The following RAB40B variants were observed in gnomAD, a reference collection of about 807,000 sequenced individuals.
RAB40B encodes the protein RAB40B, member RAS oncogene family.
A neutral mutation model predicts 24.0 loss-of-function variants in RAB40B; 21 were observed. The ratio of observed to expected loss-of-function variants is 0.88; its 90% CI spans 0.62 to 1.26. The LOEUF (loss-of-function observed/expected upper bound fraction) is 1.26. RAB40B is among the 50% of genes most tolerant of loss of function. RAB40B has a pLI of 0.00. For missense variants in RAB40B, 348 were observed against 390.5 expected (o/e 0.89, Z 0.92); for synonymous variants, 167 against 169.8 (o/e 0.98, Z 0.13).
In RAB40B at chr17:82,655,541, G is replaced by C. The variant is rs744991; in HGVS notation, c.*2322C>G. ...TCCATTTCCTTACCCTTCACCATCA[G>C]CGAGCTGGGAACGGAGGGAGAAGAG... On this transcript the variant is annotated 3_prime_UTR_variant, in exon 6 of 6. Transcript: ENST00000571995. The C allele has an allele frequency of 0.69, 104,648 of 152,188 alleles. 36,088 individuals carry two copies. The highest frequency in any genetic ancestry group is 0.73 in the Admixed American group (11,160 of 15,286). 9.4% of individuals were successfully genotyped at this position (152,188 alleles called of 1,614,324 possible).
chr17:82,658,126 A>G lies in RAB40B; in HGVS notation c.574T>C (p.Leu192=). The part of the protein sequence containing the change: ...RLWRPSKVLS[L]QDLCCRAVVS... ...ACCGCCCGGCAGCAGAGGTCTTGCA[A>G]GCTCAGCACTTGGGAGAGAAAAGAT... The change falls in exon 6 of 6, where the codon TTG becomes CTG. Residue 192 remains leucine, a synonymous_variant. Transcript: ENST00000571995. 3 of 1,613,828 alleles carry G rather than the reference A, an allele frequency of 1.9e-6. No individual in the cohort carries two copies. The highest frequency in any genetic ancestry group is 1.1e-5 in the South Asian group (1 of 91,072).
rs1420660754 is a variant in RAB40B, at chr17:82,688,393, TC to T, written c.142+10061del. ...ACTTTGGGAGTCCGAGGCGGGTAGA[TC>T]ACGAGGTCAGGAGTTCGAGACCAGC... is the stretch of plus-strand genomic sequence containing the variant. On this transcript the variant is annotated intron_variant, in intron 1 of 5. Coordinates refer to ENST00000571995, the MANE Select transcript of RAB40B (RefSeq NM_006822.3). Among the ~76,000 whole-genome samples, 4 of 151,408 alleles carry T rather than the reference TC, an allele frequency of 2.6e-5. No individual in the cohort carries two copies. In the East Asian group the frequency reaches 8.0e-4, roughly 30 times the overall value.
intron 1 of RAB40B, among the ~76,000 whole-genome samples, chr17:82,678,160 C>G (rs73359105): frequency 0.13 from 19,303 of 151,996 alleles, 1,300 homozygotes; most frequent in East Asian, 0.16. Context: ...TGTGTGTTTG[C>G]TCTTTCGTTA....
intron 1 of RAB40B, among the ~76,000 whole-genome samples, chr17:82,665,327 A>T (rs1339614795): frequency 6.6e-6 from 1 of 151,016 alleles, no homozygotes; most frequent in Non-Finnish European, 1.5e-5. Context: ...ATCACAGCTC[A>T]CTGCAGCCTC....
At chr17:82,691,676 C>T (rs559533587) in intron 1 of RAB40B, among the ~76,000 whole-genome samples, 3 of 152,106 alleles carry the variant, frequency 2.0e-5, no homozygotes, top group African/African-American at 7.2e-5. Flanking sequence ...AGCGAGACTC[C>T]ATCTCAAAAA....
chr17:82,665,902 A>C (rs1015635000), intron 1 of RAB40B, among the ~76,000 whole-genome samples: 1 of 151,850 alleles, frequency 6.6e-6, no homozygotes, highest in African/African-American at 2.4e-5. Flanking sequence ...AAAAAAAAAA[A>C]AAAAAAAAAA....
chr17:82,673,767 G>A (rs976442481), intron 1 of RAB40B, among the ~76,000 whole-genome samples: 7 of 152,074 alleles, frequency 4.6e-5, no homozygotes, highest in African/African-American at 1.7e-4. Context: ...TCGTGGCCAG[G>A]CTGACCACTC....
Position 82,697,821 on chromosome 17 carries a change from G to C in RAB40B, c.142+634C>G, listed in dbSNP as rs1028516055. Among the ~76,000 whole-genome samples, 1 of 152,174 alleles carries C rather than the reference G, an allele frequency of 6.6e-6. No homozygotes were observed. The highest frequency in any genetic ancestry group is 2.4e-5 in the African/African-American group (1 of 41,434). On this transcript the variant is annotated intron_variant, in intron 1 of 5. Transcript: ENST00000571995. The surrounding 1 kb of genome is among the most constrained non-coding windows in gnomAD (Gnocchi z 4.9). ...CCGGCCTCCCCTCGCCCTGGAACCC[G>C]CTCTCCGGCCGCTGTCGTGGGGGGT... is the stretch of plus-strand genomic sequence containing the variant.
intron 2 of RAB40B, chr17:82,662,248 C>A: frequency 4.1e-6 from 4 of 985,470 alleles, no homozygotes; most frequent in Non-Finnish European, 4.8e-6. Flanking sequence ...TCCTGAGAAG[C>A]AAATTGATCT....
At chr17:82,670,369 G>A (rs2046318565) in intron 1 of RAB40B, among the ~76,000 whole-genome samples, 1 of 151,818 alleles carries the variant, frequency 6.6e-6, no homozygotes, top group Non-Finnish European at 1.5e-5. Context: ...ACTTTTAGTA[G>A]ACACGGGGTT....
chr17:82,669,157 G>T (rs1191969396), intron 1 of RAB40B, among the ~76,000 whole-genome samples: 1 of 151,188 alleles, frequency 6.6e-6, no homozygotes, highest in African/African-American at 2.4e-5. Context: ...GGGCAACATG[G>T]TGAGACCTCA....
At chr17:82,684,004 T>C (rs2046471147) in intron 1 of RAB40B, among the ~76,000 whole-genome samples, 1 of 151,896 alleles carries the variant, frequency 6.6e-6, no homozygotes, top group South Asian at 2.1e-4. Flanking sequence ...GTGGATCACC[T>C]GAAGTCAGGA....
chr17:82,671,059 CA>C (rs1469327605), intron 1 of RAB40B, among the ~76,000 whole-genome samples: 11 of 152,050 alleles, frequency 7.2e-5, no homozygotes, highest in Non-Finnish European at 1.5e-4. Flanking sequence ...TACTTCCTGA[CA>C]TTTCAGTTTT....
rs769385803 is a variant in RAB40B, at chr17:82,658,760, T to C, written c.343-47A>G. The C allele has an allele frequency of 2.0e-6, 3 of 1,538,386 alleles. No homozygotes were observed. The South Asian group carries it at 3.6e-5, about 18-fold the overall frequency. On this transcript the variant is annotated intron_variant, in intron 4 of 5. Transcript: ENST00000571995. Reference sequence around the variant, plus strand: ...AGGAGCATGGGTTACTTCAGTGAGATTTTGTTGTCGTCGTAATGTGGGTGC... The same window carrying C: ...AGGAGCATGGGTTACTTCAGTGAGACTTTGTTGTCGTCGTAATGTGGGTGC...
chr17:82,672,233 ACACT>A (rs1355607439), intron 1 of RAB40B, among the ~76,000 whole-genome samples: 9 of 149,598 alleles, frequency 6.0e-5, no homozygotes, highest in Admixed American at 1.3e-4. Context: ...TCTAACACAC[ACACT>A]CACACGCTCC....
At chr17:82,681,496 C>T (rs1054148741) in intron 1 of RAB40B, among the ~76,000 whole-genome samples, 4 of 152,046 alleles carry the variant, frequency 2.6e-5, no homozygotes, top group Admixed American at 6.6e-5. Flanking sequence ...GCTCTGAGTG[C>T]GAAACAAGCA....
intron 1 of RAB40B, among the ~76,000 whole-genome samples, chr17:82,693,875 G>C (rs1297036614): frequency 6.6e-6 from 1 of 151,718 alleles, no homozygotes; most frequent in Non-Finnish European, 1.5e-5. Context: ...CTTAGGCCCG[G>C]AGTTCCAGAC....
intron 1 of RAB40B, among the ~76,000 whole-genome samples, chr17:82,679,840 C>T (rs2046431850): frequency 8.5e-6 from 1 of 117,708 alleles, no homozygotes; most frequent in Non-Finnish European, 1.8e-5. Context: ...AGGAACACGG[C>T]CCAGAAGCAG....
intron 1 of RAB40B, among the ~76,000 whole-genome samples, chr17:82,684,238 A>AAAG (rs71168136): frequency 6.6e-6 from 1 of 150,902 alleles, no homozygotes. Flanking sequence ...AAAAAAAAAA[A>AAAG]TTACAATGAG....
Sources: allele counts gnomAD v4.1 joint callset (sites outside exome capture counted in the v4.1 genomes callset), GRCh38; gene constraint gnomAD v4.1.1; non-coding constraint Gnocchi (gnomAD v3.1); transcripts MANE v1.5; gene names NCBI Gene and HGNC (gene_info 2026-07-23, HGNC 2026-07-21).